IBTK: variants seen among roughly 807,000 people sequenced by gnomAD.
IBTK encodes inhibitor of Bruton tyrosine kinase, also known as BTK-binding protein.
Under a neutral mutation model 154.9 loss-of-function variants are expected in IBTK, and 83 were observed. The observed-to-expected ratio is 0.54, with a 90% confidence interval of 0.45 to 0.64. IBTK has a LOEUF of 0.64. Among genes scored for constraint, IBTK ranks in the 30% least tolerant of loss-of-function variants. The pLI is 0.00. For missense variants in IBTK, 1,332 were observed against 1,584.6 expected, an observed-to-expected ratio of 0.84 and a Z score of 2.71; for synonymous variants, 515 against 536.1, an observed-to-expected ratio of 0.96 and a Z score of 0.54.
Position 82,194,606 on chromosome 6 carries a change from CAGG to C in IBTK, c.3208_3210del (p.Pro1070del). 2 of 1,606,316 alleles carry C rather than the reference CAGG, an allele frequency of 1.2e-6. No homozygotes were observed. Among genetic ancestry groups the C allele is most frequent in the African/African-American group, 1.3e-5 (1 of 74,670 alleles). On this transcript the variant is annotated inframe_deletion, in exon 23 of 29. Coordinates refer to ENST00000306270, the MANE Select transcript of IBTK (RefSeq NM_015525.4). Reference sequence around the variant, plus strand: ...GGTTTTAAATCTTCCCTAGAATACACAGGAGATGTACCATTAACATACGGTTTG... The same window carrying C: ...GGTTTTAAATCTTCCCTAGAATACACAGATGTACCATTAACATACGGTTTG...
intron 16 of IBTK, among the ~76,000 whole-genome samples, chr6:82,209,419 T>G (rs1280693685): frequency 6.6e-6 from 1 of 152,222 alleles, no homozygotes; most frequent in Admixed American, 6.5e-5. Context: ...ACAACACAGA[T>G]AAATTTTTAA....
At chr6:82,172,583 C>G in intron 27 of IBTK, 71 bp from the exon 28 acceptor site, 2 of 1,418,130 alleles carry the variant, frequency 1.4e-6, no homozygotes, top group Non-Finnish European at 1.9e-6. Context: ...CTCTGAAATA[C>G]TTTTTAGCAA....
At chr6:82,191,414 A>G in intron 24 of IBTK, 198 bp from the exon 25 acceptor site, 2 of 579,938 alleles carry the variant, frequency 3.4e-6, no homozygotes, top group Non-Finnish European at 6.0e-6. Flanking sequence ...AACAATGAAA[A>G]TATCAGTTTA....
In IBTK at chr6:82,240,626, T is replaced by C. The variant is rs1195526836; in HGVS notation, c.-140A>G. The C allele has an allele frequency of 5.8e-6, 4 of 694,990 alleles. No individual in the cohort carries two copies. The highest frequency in any genetic ancestry group is 5.4e-5 in the East Asian group (2 of 37,252). 43.1% of individuals were successfully genotyped at this position (694,990 alleles called of 1,614,324 possible). On this transcript the variant is annotated 5_prime_UTR_variant, in exon 2 of 29. Coordinates refer to ENST00000306270, the MANE Select transcript of IBTK (RefSeq NM_015525.4). ...AGGATAATTTAAATCCTCCTGACAA[T>C]AGTATAAAACTATATATCTTTATAC...
intron 26 of IBTK, 45 bp from the exon 27 acceptor site, chr6:82,173,483 A>G: frequency 6.6e-7 from 1 of 1,515,010 alleles, no homozygotes; most frequent in Non-Finnish European, 9.2e-7. Context: ...TTCTAGTAAT[A>G]TTAGTCAAAC....
intron 27 of IBTK, 191 bp downstream of exon 27, chr6:82,173,176 A>T: frequency 4.9e-6 from 2 of 408,432 alleles, no homozygotes; most frequent in Non-Finnish European, 8.7e-6. Context: ...TAAGTTTTGT[A>T]TTTTTAGTAA....
intron 16 of IBTK, among the ~76,000 whole-genome samples, chr6:82,208,714 A>G (rs1027504511): frequency 6.6e-6 from 1 of 152,146 alleles, no homozygotes; most frequent in Non-Finnish European, 1.5e-5. Context: ...ACTGCACTCC[A>G]GCTTGCCCAA....
At position 82,173,441 on chromosome 6, in the gene IBTK, G is replaced by A; in HGVS notation, c.3726-3C>T. ...CTGGGGTACCATGGGTAGAGCATCT[G>A]CAAAACAAATGCCAAAATTAAAGAT... is the stretch of plus-strand genomic sequence containing the variant. On this transcript the variant is annotated splice_polypyrimidine_tract_variant and splice_region_variant and intron_variant, in intron 26 of 28. Coordinates refer to ENST00000306270, the MANE Select transcript of IBTK (RefSeq NM_015525.4). 2 of 1,611,428 alleles carry A rather than the reference G, an allele frequency of 1.2e-6. No homozygotes were observed. The highest frequency in any genetic ancestry group is 1.7e-6 in the Non-Finnish European group (2 of 1,178,038).
chr6:82,194,484 A>T lies in IBTK; in HGVS notation c.3333T>A (p.Ser1111=). ...TTSSASWVAG[S]FSPVSPPVVD... is the part of the protein sequence containing the mutation. ...GAATAAAATAAAAATCCTACCTGAA[A>T]GAACCAGCAACCCAACTGGCAGAGC... Residue 1111 remains serine (S), a synonymous_variant, in exon 23 of 29, where the codon TCT becomes TCA. Coordinates refer to ENST00000306270, the MANE Select transcript of IBTK (RefSeq NM_015525.4). 1 of 1,566,702 alleles carries T rather than the reference A, an allele frequency of 6.4e-7. No homozygotes were observed. Among genetic ancestry groups the T allele is most frequent in the Non-Finnish European group, 8.6e-7 (1 of 1,159,908 alleles).
chr6:82,234,339 ATT>A (rs370999079), intron 2 of IBTK, 84 bp from the exon 3 acceptor site: 425 of 349,232 alleles, frequency 1.2e-3, no homozygotes, highest in Middle Eastern at 3.1e-3. Context: ...TTTTATTATT[ATT>A]TTTTTTTTTT....
chr6:82,188,485 T>C (rs1253391298), intron 25 of IBTK, among the ~76,000 whole-genome samples: 2 of 152,180 alleles, frequency 1.3e-5, no homozygotes, highest in Non-Finnish European at 2.9e-5. Flanking sequence ...GTTTGGGCTA[T>C]TACAGATAAT....
At position 82,214,326 on chromosome 6, in the gene IBTK, G is replaced by C. The variant is rs931557373; in HGVS notation, c.2105C>G (p.Pro702Arg). The C allele has an allele frequency of 1.2e-6, 2 of 1,613,870 alleles. No individual in the cohort carries two copies. The highest frequency in any genetic ancestry group is 1.7e-6 in the Non-Finnish European group (2 of 1,179,980). Reference sequence around the variant, plus strand: ...ATTTTTTCCTTTTTTACAAGATTTAGGTTTGCTCTTCTGCCTCTCACTAAC... The same window carrying C: ...ATTTTTTCCTTTTTTACAAGATTTACGTTTGCTCTTCTGCCTCTCACTAAC... ...QTVSERQKSKPKSCKKGKNIR... is the reference protein window; with the variant it reads ...QTVSERQKSKRKSCKKGKNIR... The change falls in exon 12 of 29, where the codon CCT becomes CGT. Residue 702 changes from proline to arginine, a missense_variant. Transcript: ENST00000306270.
chr6:82,179,329 T>C (rs771365723), intron 26 of IBTK, among the ~76,000 whole-genome samples: 4 of 152,224 alleles, frequency 2.6e-5, no homozygotes, highest in Non-Finnish European at 2.9e-5. Flanking sequence ...ATTTTGGTTT[T>C]ATGAGATGGG....
rs771447559 is a variant in IBTK at position 82,224,081 on chromosome 6, A to G, written c.930T>C (p.Asn310=). Residue 310 remains asparagine, a synonymous_variant, in exon 7 of 29, where the codon AAT becomes AAC. Transcript: ENST00000306270. ...TREAVYTMGL[N]GGQLGCLLDP... is the part of the protein sequence containing the mutation. ...AGGATTTCTTACCCAGTTGTCCACCATTTAGTCCCATAGTGTAAACAGCTT... is the reference window on the plus strand; with the variant it reads ...AGGATTTCTTACCCAGTTGTCCACCGTTTAGTCCCATAGTGTAAACAGCTT... The G allele has an allele frequency of 1.3e-6, 2 of 1,584,422 alleles. No individual in the cohort carries two copies. Among genetic ancestry groups the G allele is most frequent in the East Asian group, 2.2e-5 (1 of 44,662 alleles).
intron 4 of IBTK, among the ~76,000 whole-genome samples, chr6:82,228,127 A>G (rs1335703463): frequency 1.3e-5 from 2 of 152,102 alleles, no homozygotes; most frequent in Non-Finnish European, 2.9e-5. Context: ...ACTTTACCTT[A>G]ATAATATTTT....
chr6:82,246,592 C>T (rs1285237111), intron 1 of IBTK, among the ~76,000 whole-genome samples: 2 of 152,032 alleles, frequency 1.3e-5, no homozygotes, highest in African/African-American at 2.4e-5. Context: ...CGTGAGCCAC[C>T]GCGCCCGGCC....
chr6:82,190,727 TA>T (rs1161763308), intron 25 of IBTK, among the ~76,000 whole-genome samples: 1 of 141,928 alleles, frequency 7.0e-6, no homozygotes, highest in Admixed American at 7.2e-5. Context: ...TAATTTCTTA[TA>T]AAAAATAAAA....
rs758399777 is a variant in IBTK, at chr6:82,200,133, C to G, written c.3025+8G>C. 1.8e-5 allele frequency: 27 copies of G among 1,533,402 alleles called. No homozygotes were observed. Among genetic ancestry groups the G allele is most frequent in the Non-Finnish European group, 2.3e-5 (26 of 1,112,556 alleles). 95.0% of individuals were successfully genotyped at this position (1,533,402 alleles called of 1,614,324 possible). On this transcript the variant is annotated splice_region_variant and intron_variant, in intron 21 of 28. Transcript: ENST00000306270. ...AGAACTGGAAATACATGCTCACTTT[C>G]CACGAACCTGTAGATGATGGACTCT...
At chr6:82,205,977 T>C (rs150242822) in intron 16 of IBTK, 3 of 152,214 alleles carry the variant, frequency 2.0e-5, no homozygotes, top group African/African-American at 7.2e-5. Flanking sequence ...AATGACAGAC[T>C]AAGAGCTTCT....
Sources: gnomAD v4.1 joint callset for allele counts (sites outside exome capture counted in the v4.1 genomes callset) on GRCh38, gnomAD v4.1.1 for gene constraint, MANE v1.5 for transcripts, NCBI Gene and HGNC (gene_info 2026-07-23, HGNC 2026-07-21) for gene names.